SH3GL1: variants seen among roughly 807,000 people sequenced by gnomAD.
SH3GL1 encodes the protein SH3 domain containing GRB2 like 1, endophilin A2.
A neutral mutation model predicts 48.8 loss-of-function variants in SH3GL1; 21 were observed. That is an observed-to-expected ratio of 0.43 (90% CI 0.30 to 0.62). The LOEUF is 0.62. Among genes scored for constraint, SH3GL1 ranks in the 20% least tolerant of loss-of-function variants. The pLI is 0.11. For missense variants in SH3GL1, 454 were observed against 503.0 expected (o/e 0.90, Z 0.93); for synonymous variants, 282 against 217.5 (o/e 1.30, Z -2.61).
chr19:4,378,176 C>T (rs1224290941), intron 1 of SH3GL1, among the ~76,000 whole-genome samples: 1 of 152,192 alleles, frequency 6.6e-6, no homozygotes, highest in Non-Finnish European at 1.5e-5. Flanking sequence ...GTTGAGATAA[C>T]AAATAAATAA....
intron 3 of SH3GL1, 117 bp from the exon 4 acceptor site, chr19:4,365,742 G>A: frequency 7.0e-7 from 1 of 1,432,196 alleles, no homozygotes; most frequent in Admixed American, 1.7e-5. Flanking sequence ...GGACAGCCTA[G>A]GCCACACAAA....
intron 1 of SH3GL1, among the ~76,000 whole-genome samples, chr19:4,383,020 G>A (rs550783941): frequency 6.6e-6 from 1 of 152,208 alleles, no homozygotes; most frequent in East Asian, 1.9e-4. Context: ...CCGGGTTCAA[G>A]TGAGTCTCCA....
At chr19:4,375,872 T>C (rs1048211000) in intron 1 of SH3GL1, among the ~76,000 whole-genome samples, 12 of 152,168 alleles carry the variant, frequency 7.9e-5, no homozygotes, top group Non-Finnish European at 1.6e-4. Flanking sequence ...AGGCTGGTGT[T>C]CCCACTGGGG....
chr19:4,378,263 A>G (rs946604809), intron 1 of SH3GL1, among the ~76,000 whole-genome samples: 3 of 152,192 alleles, frequency 2.0e-5, no homozygotes, highest in Non-Finnish European at 4.4e-5. Context: ...GCCACGAGGC[A>G]AGCAGGCTGA....
chr19:4,365,730 G>C (rs1048052201), intron 3 of SH3GL1, 105 bp from the exon 4 acceptor site: 4 of 1,500,352 alleles, frequency 2.7e-6, no homozygotes, highest in Non-Finnish European at 2.8e-6. Flanking sequence ...TCCTGTGCCT[G>C]TGGACAGCCT....
At position 4,400,494 on chromosome 19, in the gene SH3GL1, G is replaced by T; in HGVS notation, c.-126C>A. The T allele has an allele frequency of 1.2e-6, 1 of 813,818 alleles. No individual in the cohort carries two copies. Among genetic ancestry groups the T allele is most frequent in the Non-Finnish European group, 1.5e-6 (1 of 650,402 alleles). The allele number at this position is 813,818 out of a possible 1,614,324, so 50.4% of individuals were successfully genotyped here. A position where few individuals can be genotyped will look rare whatever the true frequency, so the allele number is the denominator to read the frequency against. On this transcript the variant is annotated 5_prime_UTR_variant, in exon 1 of 10. Coordinates refer to ENST00000269886, the MANE Select transcript of SH3GL1 (RefSeq NM_003025.4). This position sits in a 1 kb window ranked among gnomAD's most constrained non-coding sequence, Gnocchi z 4.1. ...CCTCCGCCACCCGCTTGCCAGCTCC[G>T]CGCCCGCCCCGGCGCCGCCTCAGCC... is the stretch of plus-strand genomic sequence containing the variant.
intron 1 of SH3GL1, among the ~76,000 whole-genome samples, chr19:4,396,781 G>T (rs243412): frequency 2.0e-5 from 3 of 151,952 alleles, no homozygotes; most frequent in African/African-American, 4.8e-5. Context: ...CAGCAATATC[G>T]TCTACCTACT....
intron 2 of SH3GL1, 75 bp downstream of exon 2, chr19:4,366,851 C>T (rs571747222): frequency 2.2e-5 from 32 of 1,472,160 alleles, no homozygotes; most frequent in South Asian, 1.0e-4. Context: ...CAAGGTTGGC[C>T]GCCTCCACTA....
At chr19:4,392,524 A>T (rs1265976342) in intron 1 of SH3GL1, among the ~76,000 whole-genome samples, 14 of 41,720 alleles carry the variant, frequency 3.4e-4, no homozygotes, top group Non-Finnish European at 3.3e-4. Flanking sequence ...TCCGTCACAC[A>T]CACACACACA....
At chr19:4,382,254 T>C (rs796501612) in intron 1 of SH3GL1, among the ~76,000 whole-genome samples, 8 of 33,210 alleles carry the variant, frequency 2.4e-4, no homozygotes, top group African/African-American at 4.4e-4. Flanking sequence ...CTCCGCTTTC[T>C]TTTTTTTTTT....
intron 1 of SH3GL1, among the ~76,000 whole-genome samples, chr19:4,381,662 C>T (rs1205278362): frequency 7.8e-6 from 1 of 127,666 alleles, no homozygotes; most frequent in South Asian, 3.1e-4. Flanking sequence ...CTTCATTTCC[C>T]CCGCCTCTCT....
chr19:4,377,040 C>T (rs1030640062), intron 1 of SH3GL1, among the ~76,000 whole-genome samples: 1 of 152,222 alleles, frequency 6.6e-6, no homozygotes, highest in African/African-American at 2.4e-5. Flanking sequence ...GACGGTTCAC[C>T]TGGGCTGACA....
rs1371034935 is a variant in SH3GL1 at position 4,367,005 on chromosome 19, G to A, written c.46-11C>T. Reference sequence around the variant, plus strand: ...CTTCTCACTGACCAGCTAGAGGACAGAAGAGGGGAAACGCTGTGAGCCCAG... The same window carrying A: ...CTTCTCACTGACCAGCTAGAGGACAAAAGAGGGGAAACGCTGTGAGCCCAG... On this transcript the variant is annotated splice_polypyrimidine_tract_variant and intron_variant, in intron 1 of 9. Coordinates refer to ENST00000269886, the MANE Select transcript of SH3GL1 (RefSeq NM_003025.4). The surrounding 1 kb of genome is among the most constrained non-coding windows in gnomAD (Gnocchi z 4.2). 2 of 1,613,576 alleles carry A rather than the reference G, an allele frequency of 1.2e-6. No homozygotes were observed. Among genetic ancestry groups the A allele is most frequent in the African/African-American group, 1.3e-5 (1 of 74,934 alleles).
chr19:4,370,746 C>T (rs988743645), intron 1 of SH3GL1, among the ~76,000 whole-genome samples: 9 of 152,280 alleles, frequency 5.9e-5, no homozygotes, highest in African/African-American at 1.4e-4. Flanking sequence ...GACATGTCCC[C>T]GCCTGGAGCA....
At chr19:4,393,589 G>C (rs933837367) in intron 1 of SH3GL1, among the ~76,000 whole-genome samples, 2 of 151,962 alleles carry the variant, frequency 1.3e-5, no homozygotes, top group African/African-American at 2.4e-5. Flanking sequence ...TCAGGAGTTC[G>C]AAACCAGCCT....
rs771323810 is a variant in SH3GL1, at chr19:4,376,274, C to G, written c.46-9280G>C. Reference sequence around the variant, plus strand: ...CACCATGGGCATGAGTCACCTGTCACCAGAGCCTGGTGTCCCTGTGCAGCT... The same window carrying G: ...CACCATGGGCATGAGTCACCTGTCAGCAGAGCCTGGTGTCCCTGTGCAGCT... On this transcript the variant is annotated intron_variant, in intron 1 of 9. Transcript: ENST00000269886. The surrounding 1 kb of genome is among the most constrained non-coding windows in gnomAD (Gnocchi z 4.3). Among the ~76,000 whole-genome samples the G allele has an allele frequency of 6.6e-6, 1 of 152,202 alleles. No homozygotes were observed. The highest frequency in any genetic ancestry group is 6.5e-5 in the Admixed American group (1 of 15,286).
At position 4,361,793 on chromosome 19, in the gene SH3GL1, G is replaced by A; in HGVS notation, c.914C>T (p.Pro305Leu). The A allele has an allele frequency of 1.9e-6, 3 of 1,605,590 alleles. No individual in the cohort carries two copies. The highest frequency in any genetic ancestry group is 2.7e-5 in the African/African-American group (2 of 75,038). ...PIRTPSRSMP[P>L]LDQPSCKALY... Reference sequence around the variant, plus strand: ...CGCCTTGCAGCTCGGCTGGTCCAGGGGCGCTGGGGGCGGGAGCGGGCTGTG... The same window carrying A: ...CGCCTTGCAGCTCGGCTGGTCCAGGAGCGCTGGGGGCGGGAGCGGGCTGTG... The change falls in exon 10 of 10, where the codon CCC becomes CTC. Residue 305 changes from proline to leucine, a missense_variant. By Grantham distance (98) the Pro-to-Leu change is moderately conservative (BLOSUM62 -3). Transcript: ENST00000269886.
At chr19:4,397,733 T>G (rs1473310631) in intron 1 of SH3GL1, among the ~76,000 whole-genome samples, 3 of 152,216 alleles carry the variant, frequency 2.0e-5, no homozygotes. Flanking sequence ...CTGTTCTCAG[T>G]GACAACTCTA....
Position 4,363,035 on chromosome 19 carries a change from G to A in SH3GL1, c.729-299C>T, listed in dbSNP as rs182080928. 2.5e-3 allele frequency among the ~76,000 whole-genome samples: 375 copies of A among 152,232 alleles called. 2 individuals are homozygous for A. The highest frequency in any genetic ancestry group is 8.5e-3 in the African/African-American group (353 of 41,542). ...GCCTCCTCCCCCAATTCCCCACCAC[G>A]GACGGCGCCCCACATACGCCAAGGC... On this transcript the variant is annotated intron_variant, in intron 7 of 9. Coordinates refer to ENST00000269886, the MANE Select transcript of SH3GL1 (RefSeq NM_003025.4).
Sources: allele counts gnomAD v4.1 joint callset (sites outside exome capture counted in the v4.1 genomes callset), GRCh38; gene constraint gnomAD v4.1.1; non-coding constraint Gnocchi (gnomAD v3.1); transcripts MANE v1.5; gene names NCBI Gene and HGNC (gene_info 2026-07-23, HGNC 2026-07-21).